The following CTNNA2 variants were observed in gnomAD, a reference collection of about 807,000 sequenced individuals.
CTNNA2 encodes the protein catenin alpha 2, also known as catenin alpha-2.
Under a neutral mutation model 101.0 loss-of-function variants are expected in CTNNA2, and 42 were observed. The observed-to-expected ratio is 0.42, with a 90% CI of 0.32 to 0.54. The LOEUF (loss-of-function observed/expected upper bound fraction) is 0.54. Among genes scored for constraint, CTNNA2 ranks in the 20% least tolerant of loss-of-function variants. The probability of loss-of-function intolerance (pLI) is 0.14; values close to 1 mark genes in which losing one functional copy is unlikely to be tolerated. For synonymous variants in CTNNA2, 450 were observed against 456.4 expected (o/e 0.99, Z 0.18); for missense variants, 871 against 1,223.1 (o/e 0.71, Z 4.29).
chr2:80,302,060 T>G lies in CTNNA2; in HGVS notation c.1057-91151T>G. Reference sequence around the variant, plus strand: ...GGTTGTGGGGTGGGGTTTTTTGTTGTGTTTTAATTCGCTTTTGTTTTTAAG... The same window carrying G: ...GGTTGTGGGGTGGGGTTTTTTGTTGGGTTTTAATTCGCTTTTGTTTTTAAG... On this transcript the variant is annotated intron_variant, in intron 7 of 18. Coordinates refer to ENST00000402739, the MANE Select transcript of CTNNA2 (RefSeq NM_001282597.3). This position sits in a 1 kb window ranked among gnomAD's most constrained non-coding sequence, Gnocchi z 6.4. 1 of 708,968 alleles carries G rather than the reference T, an allele frequency of 1.4e-6. No individual in the cohort carries two copies. Among genetic ancestry groups the G allele is most frequent in the Non-Finnish European group, 2.2e-6 (1 of 453,854 alleles). 43.9% of individuals were successfully genotyped at this position (708,968 alleles called of 1,614,324 possible).
chr2:80,321,575 A>G (rs1678693120), intron 7 of CTNNA2, among the ~76,000 whole-genome samples: 1 of 152,244 alleles, frequency 6.6e-6, no homozygotes, highest in Non-Finnish European at 1.5e-5. Context: ...ATGTATGCAA[A>G]TGAACTACAA....
At chr2:79,718,407 T>C (rs1026967659) in intron 2 of CTNNA2, among the ~76,000 whole-genome samples, 6 of 152,140 alleles carry the variant, frequency 3.9e-5, no homozygotes, top group Non-Finnish European at 7.3e-5. Context: ...GGTTCATTAG[T>C]TCTAAAAATT....
intron 7 of CTNNA2, among the ~76,000 whole-genome samples, chr2:80,363,316 T>A (rs184080536): frequency 1.3e-5 from 2 of 152,146 alleles, no homozygotes; most frequent in Admixed American, 1.3e-4. Flanking sequence ...TGACATATCA[T>A]GAGATAAAGT....
intron 7 of CTNNA2, among the ~76,000 whole-genome samples, chr2:80,351,526 T>C (rs1488281374): frequency 6.6e-6 from 1 of 152,086 alleles, no homozygotes; most frequent in Non-Finnish European, 1.5e-5. Flanking sequence ...TGCTGCCCGA[T>C]TGGTGAATTA....
intron 9 of CTNNA2, among the ~76,000 whole-genome samples, chr2:80,493,135 T>C (rs1687194242): frequency 6.6e-6 from 1 of 152,156 alleles, no homozygotes; most frequent in Non-Finnish European, 1.5e-5. Context: ...ATAGGGATTT[T>C]AATAAGACAC....
chr2:80,590,460 TGC>T (rs1162758607), intron 15 of CTNNA2, among the ~76,000 whole-genome samples: 12 of 151,728 alleles, frequency 7.9e-5, no homozygotes, highest in African/African-American at 2.2e-4. Flanking sequence ...AACACACATA[TGC>T]AAAGATGTTT....
chr2:80,624,784 A>G (rs1043165621), intron 18 of CTNNA2, among the ~76,000 whole-genome samples: 5 of 151,858 alleles, frequency 3.3e-5, no homozygotes, highest in African/African-American at 1.2e-4. Context: ...GAATCAGTTG[A>G]CTGGTAGGAG....
At chr2:80,451,871 G>A (rs1048154023) in intron 9 of CTNNA2, among the ~76,000 whole-genome samples, 10 of 150,762 alleles carry the variant, frequency 6.6e-5, no homozygotes, top group African/African-American at 1.5e-4. Context: ...ATTTTTTATC[G>A]GAAAAAAAAG....
chr2:80,204,048 G>A (rs1050055128), intron 7 of CTNNA2, among the ~76,000 whole-genome samples: 1 of 152,158 alleles, frequency 6.6e-6, no homozygotes, highest in African/African-American at 2.4e-5. Context: ...GAGTGGCTGG[G>A]TCACAGGGCA....
chr2:79,464,221 G>C (rs1670908600), intron 4 of CTNNA2, among the ~76,000 whole-genome samples: 1 of 152,144 alleles, frequency 6.6e-6, no homozygotes, highest in Non-Finnish European at 1.5e-5. Context: ...CTATGAGTGA[G>C]AACATGCGGT....
Position 80,303,079 on chromosome 2 carries a change from A to C in CTNNA2, c.1057-90132A>C. 1 of 1,613,804 alleles carries C rather than the reference A, an allele frequency of 6.2e-7. No individual in the cohort carries two copies. Among genetic ancestry groups the C allele is most frequent in the Non-Finnish European group, 8.5e-7 (1 of 1,179,986 alleles). On this transcript the variant is annotated intron_variant, in intron 7 of 18. Transcript: ENST00000402739. The surrounding 1 kb of genome is among the most constrained non-coding windows in gnomAD (Gnocchi z 7.7). ...AAACCCAGTCCAGCGAGCTGACCAC[A>C]ATGGCCACCTTGTTCCTCCGCAGGC...
At chr2:80,558,873 T>A (rs554518594) in intron 12 of CTNNA2, among the ~76,000 whole-genome samples, 1 of 152,154 alleles carries the variant, frequency 6.6e-6, no homozygotes, top group Non-Finnish European at 1.5e-5. Flanking sequence ...TTTTAAAAAA[T>A]TCTGTGCCAT....
At chr2:79,365,449 C>A (rs1677724758) in intron 3 of CTNNA2, among the ~76,000 whole-genome samples, 1 of 151,696 alleles carries the variant, frequency 6.6e-6, no homozygotes, top group South Asian at 2.1e-4. Context: ...ATAGTGGGAA[C>A]TCCATCTCTA....
At chr2:80,220,419 T>A (rs554307287) in intron 7 of CTNNA2, among the ~76,000 whole-genome samples, 1 of 152,296 alleles carries the variant, frequency 6.6e-6, no homozygotes, top group South Asian at 2.1e-4. Flanking sequence ...GTTGCCTAGT[T>A]TTTGCATTTT....
chr2:80,390,277 G>A (rs746812402), intron 7 of CTNNA2, among the ~76,000 whole-genome samples: 7 of 152,166 alleles, frequency 4.6e-5, no homozygotes, highest in Non-Finnish European at 8.8e-5. Context: ...GTCATTGAGC[G>A]TGCTAATCTT....
chr2:79,301,258 C>A (rs973114297), intron 2 of CTNNA2, among the ~76,000 whole-genome samples: 1 of 152,210 alleles, frequency 6.6e-6, no homozygotes, highest in Non-Finnish European at 1.5e-5. Flanking sequence ...TTCTACACTA[C>A]GAAGGCAGAG....
chr2:80,582,827 C>A (rs1466895606), intron 14 of CTNNA2, among the ~76,000 whole-genome samples: 4 of 152,000 alleles, frequency 2.6e-5, no homozygotes, highest in African/African-American at 9.7e-5. Context: ...CGCCAGAAAG[C>A]CCACACTGCC....
chr2:79,922,459 G>A (rs1158751955), intron 7 of CTNNA2, among the ~76,000 whole-genome samples: 3 of 151,994 alleles, frequency 2.0e-5, no homozygotes, highest in Non-Finnish European at 4.4e-5. Context: ...TGTGGTAAAT[G>A]CTGCACCCAT....
intron 1 of CTNNA2, among the ~76,000 whole-genome samples, chr2:79,626,654 TGTC>T (rs1679329940): frequency 6.8e-6 from 1 of 147,348 alleles, no homozygotes; most frequent in African/African-American, 2.6e-5. Flanking sequence ...TGTGTGTGTG[TGTC>T]GAGTCCAGAA....
Sources: gnomAD v4.1 joint callset for allele counts (sites outside exome capture counted in the v4.1 genomes callset) on GRCh38, gnomAD v4.1.1 for gene constraint, Gnocchi (gnomAD v3.1) non-coding constraint, MANE v1.5 for transcripts, NCBI Gene and HGNC (gene_info 2026-07-23, HGNC 2026-07-21) for gene names.